PNPLA1: variants seen among roughly 807,000 people sequenced by gnomAD.
The protein encoded by PNPLA1 is patatin like domain 1, omega-hydroxyceramide transacylase.
A neutral mutation model predicts 51.7 loss-of-function variants in PNPLA1; 36 were observed. That is an observed-to-expected ratio of 0.70 (90% CI 0.53 to 0.92). The LOEUF is 0.92. PNPLA1 is among the 40% of genes least tolerant of loss of function. The pLI is 0.00. For missense variants in PNPLA1, 658 were observed against 682.5 expected, an observed-to-expected ratio of 0.96 and a Z score of 0.40; for synonymous variants, 293 against 280.1, an observed-to-expected ratio of 1.05 and a Z score of -0.46.
chr6:36,251,784 A>T (rs960586866), intron 1 of PNPLA1, among the ~76,000 whole-genome samples: 19 of 151,628 alleles, frequency 1.3e-4, no homozygotes, highest in Non-Finnish European at 2.1e-4. Flanking sequence ...ACAAAAAAAA[A>T]TTTTTTTTTA....
intron 8 of PNPLA1, among the ~76,000 whole-genome samples, chr6:36,311,011 G>A (rs997383845): frequency 2.6e-5 from 4 of 152,184 alleles, no homozygotes; most frequent in Non-Finnish European, 5.9e-5. Context: ...TAGGACTGGG[G>A]CACCAAGAGA....
intron 8 of PNPLA1, among the ~76,000 whole-genome samples, chr6:36,309,847 AG>A (rs1223011202): frequency 2.6e-5 from 4 of 152,130 alleles, no homozygotes; most frequent in Non-Finnish European, 5.9e-5. Flanking sequence ...GGGATGGAGA[AG>A]GGGGGAGTGA....
chr6:36,301,945 A>G lies in PNPLA1; in HGVS notation c.860A>G (p.Asn287Ser), dbSNP rs1375344998. The change falls in exon 6 of 9, where the codon AAT becomes AGT. Residue 287 changes from asparagine to serine, a missense_variant. By Grantham distance (46) the Asn-to-Ser change is conservative. Transcript: ENST00000636260. ...TGCCAGATAGAACTCGCCCTTGGCA[A>G]TGAGTGCCCTGAACGCAGTCAACCA... ...VYCQIELALG[N>S]ECPERSQPSL... 8 of 1,614,102 alleles carry G rather than the reference A, an allele frequency of 5.0e-6. No homozygotes were observed. The highest frequency in any genetic ancestry group is 5.9e-6 in the Non-Finnish European group (7 of 1,180,042).
At chr6:36,299,542 G>A (rs1770966606) in intron 5 of PNPLA1, among the ~76,000 whole-genome samples, 1 of 152,012 alleles carries the variant, frequency 6.6e-6, no homozygotes, top group Non-Finnish European at 1.5e-5. Flanking sequence ...CGCCATGTTG[G>A]CCAGGATGGT....
rs1326709956 is a variant in PNPLA1, at chr6:36,288,590, C to T, written c.206-2730C>T. Among the ~76,000 whole-genome samples the T allele has an allele frequency of 2.0e-5, 3 of 151,652 alleles. No homozygotes were observed. The East Asian group carries it at 5.8e-4, about 29-fold the overall frequency. On this transcript the variant is annotated intron_variant, in intron 1 of 8. Coordinates refer to ENST00000636260, the MANE Select transcript of PNPLA1 (RefSeq NM_001374623.1). The stretch of plus-strand genomic sequence containing the variant: ...GCCTCAGCCTCCTGAGTAGCTGGGA[C>T]TACAGGCGCCCGCCACCGCGCCCGG...
At chr6:36,302,598 C>T in intron 6 of PNPLA1, 129 bp downstream of exon 6, 1 of 1,272,458 alleles carries the variant, frequency 7.9e-7, no homozygotes, top group East Asian at 2.4e-5. Context: ...GCTTTAGCAT[C>T]TCTGTCCATT....
Position 36,295,341 on chromosome 6 carries a change from TCTC to T in PNPLA1, c.715-20_715-18del. Reference sequence around the variant, plus strand: ...CCTTCCTCCCCGCAGCCTTGGTAATTCTCCTGGTGCCTCCGCCCACAGATCCTG... The same window carrying T: ...CCTTCCTCCCCGCAGCCTTGGTAATTCTGGTGCCTCCGCCCACAGATCCTG... On this transcript the variant is annotated intron_variant, in intron 4 of 8. Transcript: ENST00000636260. The T allele has an allele frequency of 6.2e-7, 1 of 1,614,020 alleles. No individual in the cohort carries two copies. The highest frequency in any genetic ancestry group is 1.7e-5 in the Admixed American group (1 of 60,020).
chr6:36,281,498 T>C (rs1770281458), intron 1 of PNPLA1, among the ~76,000 whole-genome samples: 1 of 152,182 alleles, frequency 6.6e-6, no homozygotes, highest in African/African-American at 2.4e-5. Context: ...CTCACAACCC[T>C]ATGAAGCAGA....
chr6:36,249,484 G>A (rs1769375610), intron 1 of PNPLA1, among the ~76,000 whole-genome samples: 1 of 152,222 alleles, frequency 6.6e-6, no homozygotes, highest in Non-Finnish European at 1.5e-5. Context: ...CTGATGTGGA[G>A]TTTCTAAACA....
rs569342608 is a variant in PNPLA1 at position 36,270,601 on chromosome 6, C to T, written c.142C>T (p.Arg48Cys). 4.0e-5 allele frequency: 62 copies of T among 1,551,644 alleles called. No individual in the cohort carries two copies. Among genetic ancestry groups the T allele is most frequent in the Non-Finnish European group, 5.0e-5 (57 of 1,147,006 alleles). ...LAPRMLETAH[R>C]FAGTSAGAVI... is the part of the protein sequence containing the mutation. ...CCCCCGGATGCTGGAAACAGCCCAC[C>T]GCTTTGCGGGGACATCGGCAGGTGC... is the stretch of plus-strand genomic sequence containing the variant. Residue 48 changes from arginine (R) to cysteine (C), a missense_variant, in exon 1 of 9, where the codon CGC becomes TGC. Coordinates refer to ENST00000636260, the MANE Select transcript of PNPLA1 (RefSeq NM_001374623.1).
Position 36,271,664 on chromosome 6 carries a change from A to G in PNPLA1, c.205+1000A>G, listed in dbSNP as rs78955234. Among the ~76,000 whole-genome samples, 617 of 152,358 alleles carry G rather than the reference A, an allele frequency of 4.0e-3. 4 individuals are homozygous for G. Among genetic ancestry groups the G allele is most frequent in the African/African-American group, 0.014 (582 of 41,582 alleles). ...AGCCTAGAGCTGGGTATAGTGATAG[A>G]ACAAGCTACTGGGAGCTCCTGAAAA... On this transcript the variant is annotated intron_variant, in intron 1 of 8. Transcript: ENST00000636260.
intron 1 of PNPLA1, among the ~76,000 whole-genome samples, chr6:36,254,540 A>G (rs1306910325): frequency 3.9e-5 from 6 of 152,232 alleles, no homozygotes; most frequent in African/African-American, 1.4e-4. Flanking sequence ...ACAGTACTGC[A>G]TTCCAGCATA....
Position 36,313,527 on chromosome 6 carries a change from C to T in PNPLA1, c.*1641C>T, listed in dbSNP as rs890731870. ...GGGGATTTAGAGGGTTGGGGCTTGGCTGCGGCAACAGACCCCACTTAACAC... is the reference window on the plus strand; with the variant it reads ...GGGGATTTAGAGGGTTGGGGCTTGGTTGCGGCAACAGACCCCACTTAACAC... On this transcript the variant is annotated 3_prime_UTR_variant, in exon 9 of 9. Transcript: ENST00000636260. Among the ~76,000 whole-genome samples the T allele has an allele frequency of 6.6e-6, 1 of 152,196 alleles. No individual in the cohort carries two copies. Among genetic ancestry groups the T allele is most frequent in the Non-Finnish European group, 1.5e-5 (1 of 68,030 alleles).
intron 1 of PNPLA1, among the ~76,000 whole-genome samples, chr6:36,256,636 CG>C (rs1288723285): frequency 6.6e-6 from 1 of 151,906 alleles, no homozygotes; most frequent in Non-Finnish European, 1.5e-5. Flanking sequence ...TTAGTGGAGA[CG>C]GGGTTTCACC....
At chr6:36,281,175 A>G (rs1451715678) in intron 1 of PNPLA1, among the ~76,000 whole-genome samples, 1 of 152,178 alleles carries the variant, frequency 6.6e-6, no homozygotes, top group African/African-American at 2.4e-5. Context: ...GTGTTCCTTA[A>G]TACATGAATG....
intron 1 of PNPLA1, among the ~76,000 whole-genome samples, chr6:36,281,673 C>T (rs1321477487): frequency 1.3e-5 from 2 of 152,170 alleles, no homozygotes; most frequent in Non-Finnish European, 2.9e-5. Flanking sequence ...AGCAACATGA[C>T]AGCTTTCTTG....
At chr6:36,309,198 C>G (rs1771333539) in intron 8 of PNPLA1, among the ~76,000 whole-genome samples, 2 of 152,130 alleles carry the variant, frequency 1.3e-5, no homozygotes, top group Admixed American at 6.5e-5. Flanking sequence ...AGCGGAGATT[C>G]TGAGAGCTGC....
At chr6:36,245,185 C>T (rs1200823320) in intron 1 of PNPLA1, among the ~76,000 whole-genome samples, 3 of 152,164 alleles carry the variant, frequency 2.0e-5, no homozygotes. Flanking sequence ...CCTCCAGGCC[C>T]CTCAGGAAGA....
At chr6:36,295,035 C>G (rs1770814993) in intron 4 of PNPLA1, among the ~76,000 whole-genome samples, 1 of 152,200 alleles carries the variant, frequency 6.6e-6, no homozygotes, top group South Asian at 2.1e-4. Context: ...AGCCCAGAGA[C>G]CTGAACTCAG....
Sources: gnomAD v4.1 joint callset for allele counts (sites outside exome capture counted in the v4.1 genomes callset) on GRCh38, gnomAD v4.1.1 for gene constraint, MANE v1.5 for transcripts, NCBI Gene and HGNC (gene_info 2026-07-23, HGNC 2026-07-21) for gene names.